Variants in VTI1A observed in about 807,000 individuals in gnomAD.
VTI1A encodes the protein vesicle transport through interaction with t-SNAREs homolog 1A.
VTI1A carries 22 observed loss-of-function variants against 34.9 expected under a neutral mutation model. The ratio of observed to expected loss-of-function variants is 0.63; its 90% confidence interval spans 0.45 to 0.90. The LOEUF is 0.90. Ranked by LOEUF, VTI1A falls within the 40% of genes least tolerant of loss-of-function variation. The probability of loss-of-function intolerance (pLI) is 0.00; values close to 1 mark genes in which losing one functional copy is unlikely to be tolerated. For synonymous variants in VTI1A, 87 were observed against 97.3 expected (o/e 0.89, Z 0.62); for missense variants, 268 against 275.6 (o/e 0.97, Z 0.20).
At chr10:112,785,607 A>G (rs35599895) in intron 7 of VTI1A, among the ~76,000 whole-genome samples, 50,477 of 151,934 alleles carry the variant, frequency 0.33, 8,708 homozygotes, top group Non-Finnish European at 0.39. Flanking sequence ...TTTTACTTCT[A>G]TGTTTTCTTC....
intron 7 of VTI1A, among the ~76,000 whole-genome samples, chr10:112,749,848 A>T (rs1459782777): frequency 6.6e-6 from 1 of 152,232 alleles, no homozygotes; most frequent in Non-Finnish European, 1.5e-5. Context: ...TTTAGAAGCA[A>T]CATAAATGTT....
chr10:112,849,876 C>T, the VTI1A span, among the ~76,000 whole-genome samples: 22 of 152,100 alleles, frequency 1.4e-4, 1 homozygote, highest in Non-Finnish European at 2.8e-4. Flanking sequence ...GCAGCCCTGG[C>T]GAGGTGGGTG....
chr10:112,732,649 G>T (rs1416090864), intron 7 of VTI1A, among the ~76,000 whole-genome samples: 1 of 152,174 alleles, frequency 6.6e-6, no homozygotes, highest in East Asian at 1.9e-4. Context: ...AGGGACTGTG[G>T]CTTTTGGAGA....
chr10:112,613,513 C>T (rs776258785), intron 5 of VTI1A, among the ~76,000 whole-genome samples: 18 of 152,160 alleles, frequency 1.2e-4, no homozygotes, highest in African/African-American at 2.4e-4. Context: ...CATTCTCTCT[C>T]GGCCTCTTTT....
intron 5 of VTI1A, among the ~76,000 whole-genome samples, chr10:112,629,179 T>C (rs1166593175): frequency 6.6e-6 from 1 of 152,250 alleles, no homozygotes; most frequent in African/African-American, 2.4e-5. Context: ...TGTCCAGCGC[T>C]GTCATCATGG....
At chr10:112,702,109 T>A (rs151081424) in intron 7 of VTI1A, among the ~76,000 whole-genome samples, 367 of 152,220 alleles carry the variant, frequency 2.4e-3, no homozygotes, top group African/African-American at 8.4e-3. Flanking sequence ...GGACTTTGGG[T>A]AGGGCTGTGG....
In VTI1A at chr10:112,573,585, G is replaced by A. The variant is rs867996641; in HGVS notation, c.427+35255G>A. ...CAGTGTAATATAGTGAAAAGACCACGGAATCAAAGAGATTCAAATTTTATT... is the reference window on the plus strand; with the variant it reads ...CAGTGTAATATAGTGAAAAGACCACAGAATCAAAGAGATTCAAATTTTATT... On this transcript the variant is annotated intron_variant, in intron 5 of 7. Transcript: ENST00000393077. 2.2e-4 allele frequency among the ~76,000 whole-genome samples: 33 copies of A among 152,236 alleles called. No individual in the cohort carries two copies. The Middle Eastern group carries it at 0.01, about 47-fold the overall frequency.
At chr10:112,501,692 T>A (rs1849247121) in intron 3 of VTI1A, among the ~76,000 whole-genome samples, 1 of 110,310 alleles carries the variant, frequency 9.1e-6, no homozygotes. Flanking sequence ...AATCTAAAAC[T>A]TTTACACTAA....
At chr10:112,842,107 G>T in the VTI1A span, among the ~76,000 whole-genome samples, 1 of 122,812 alleles carries the variant, frequency 8.1e-6, no homozygotes, top group Non-Finnish European at 1.6e-5. Context: ...CTGTCTCCCA[G>T]GCTGGAGTGC....
At chr10:112,795,795 T>C (rs184223053) in intron 7 of VTI1A, among the ~76,000 whole-genome samples, 113 of 152,298 alleles carry the variant, frequency 7.4e-4, no homozygotes, top group African/African-American at 2.4e-3. Flanking sequence ...TTTTATTCAA[T>C]ATACTGAATT....
At chr10:112,835,712 A>G in the VTI1A span, among the ~76,000 whole-genome samples, 1 of 152,342 alleles carries the variant, frequency 6.6e-6, no homozygotes, top group South Asian at 2.1e-4. Flanking sequence ...AATAAGCCTT[A>G]AAGCAATAAT....
rs185642630 is a variant in VTI1A at position 112,474,672 on chromosome 10, G to A, written c.264+10015G>A. Among the ~76,000 whole-genome samples the A allele has an allele frequency of 5.1e-4, 76 of 150,036 alleles. 1 individual carries two copies. The Middle Eastern group carries it at 0.03, about 59-fold the overall frequency. The stretch of plus-strand genomic sequence containing the variant: ...GGGTCTCCCTATGTCACCCAGGCTG[G>A]TCTCTGACTCCTGGACTCAAGTGAT... On this transcript the variant is annotated intron_variant, in intron 3 of 7. Transcript: ENST00000393077.
At chr10:112,563,022 A>C (rs998811120) in intron 5 of VTI1A, among the ~76,000 whole-genome samples, 1 of 152,090 alleles carries the variant, frequency 6.6e-6, no homozygotes, top group Non-Finnish European at 1.5e-5. Flanking sequence ...TTAAAATTGC[A>C]CCCGCGTAGA....
At chr10:112,558,750 C>G (rs1164186601) in intron 5 of VTI1A, among the ~76,000 whole-genome samples, 1 of 152,198 alleles carries the variant, frequency 6.6e-6, no homozygotes, top group Non-Finnish European at 1.5e-5. Flanking sequence ...GAGACACACA[C>G]TCTCTCTCGA....
chr10:112,844,048 A>G, the VTI1A span, among the ~76,000 whole-genome samples: 1 of 152,110 alleles, frequency 6.6e-6, no homozygotes, highest in Non-Finnish European at 1.5e-5. Context: ...TTTGAGAGGC[A>G]TTATTTTATC....
chr10:112,649,712 A>G (rs1215896891), intron 5 of VTI1A, among the ~76,000 whole-genome samples: 1 of 152,226 alleles, frequency 6.6e-6, no homozygotes, highest in Admixed American at 6.5e-5. Flanking sequence ...ACACAAATCT[A>G]GATGGCAGAG....
intron 7 of VTI1A, among the ~76,000 whole-genome samples, chr10:112,760,375 GTC>G (rs71035399): frequency 1.2e-4 from 18 of 151,430 alleles, no homozygotes; most frequent in South Asian, 6.3e-4. Context: ...GGTGAATATG[GTC>G]TCTCTCTCTC....
At chr10:112,785,994 A>C (rs1477389072) in intron 7 of VTI1A, among the ~76,000 whole-genome samples, 1 of 151,930 alleles carries the variant, frequency 6.6e-6, no homozygotes, top group East Asian at 1.9e-4. Flanking sequence ...TTCCCATTTC[A>C]TTTTCACCGC....
intron 7 of VTI1A, among the ~76,000 whole-genome samples, chr10:112,774,053 G>T (rs931421414): frequency 2.6e-5 from 4 of 152,226 alleles, no homozygotes; most frequent in Admixed American, 2.0e-4. Context: ...CTTGGCTGAG[G>T]TGAGGCTGTG....
Sources: allele counts gnomAD v4.1 joint callset (sites outside exome capture counted in the v4.1 genomes callset), GRCh38; gene constraint gnomAD v4.1.1; transcripts MANE v1.5; gene names NCBI Gene and HGNC (gene_info 2026-07-23, HGNC 2026-07-21).